Variants in TCEA2 observed in about 807,000 individuals in gnomAD.
TCEA2 encodes transcription elongation factor A2, also known as transcription elongation factor A protein 2.
A neutral mutation model predicts 40.8 loss-of-function variants in TCEA2; 21 were observed. The ratio of observed to expected loss-of-function variants is 0.51; its 90% CI spans 0.36 to 0.74. The LOEUF is 0.74. Ranked by LOEUF, TCEA2 falls within the 30% of genes least tolerant of loss-of-function variation. The probability of loss-of-function intolerance (pLI) is 0.00; values close to 1 mark genes in which losing one functional copy is unlikely to be tolerated. For synonymous variants in TCEA2, 165 were observed against 162.7 expected (o/e 1.01, Z -0.11); for missense variants, 326 against 426.5 (o/e 0.76, Z 2.08).
At chr20:64,058,381 C>T (rs2059502017), upstream of TCEA2, among the ~76,000 whole-genome samples, 1 of 152,290 alleles carries the variant, frequency 6.6e-6, no homozygotes, top group Non-Finnish European at 1.5e-5. The surrounding 1 kb of genome is among the most constrained non-coding windows in gnomAD (Gnocchi z 6.7). Context: ...GCCACAGCAT[C>T]TTGACCTCCC....
At chr20:64,063,005 T>C (rs1219278792), upstream of TCEA2, 5 of 203,378 alleles carry the variant, frequency 2.5e-5, no homozygotes, top group Non-Finnish European at 4.9e-5. Context: ...CGGGGTATTG[T>C]GGGATCACGA....
At chr20:64,063,685 C>T (rs1017798641) in intron 1 of TCEA2, 4 of 456,556 alleles carry the variant, frequency 8.8e-6, no homozygotes, top group South Asian at 5.3e-5. Context: ...AGGCTCCGCA[C>T]CCTTCCCTGT....
intron 1 of TCEA2, 117 bp downstream of exon 1, chr20:64,063,501 C>G (rs1361354496): frequency 1.0e-4 from 124 of 1,188,682 alleles, no homozygotes; most frequent in Non-Finnish European, 1.4e-4. Context: ...GACCCCTCCC[C>G]GGCAGAGACT....
upstream of TCEA2, chr20:64,062,512 A>G (rs2059586031): frequency 6.6e-6 from 1 of 152,236 alleles, no homozygotes; most frequent in African/African-American, 2.4e-5. Context: ...AGGTGGGGAG[A>G]CTGAGACACA....
chr20:64,064,137 C>T (rs1215574249), intron 1 of TCEA2: 1 of 152,294 alleles, frequency 6.6e-6, no homozygotes, highest in Non-Finnish European at 1.5e-5. Flanking sequence ...AGGACTTAGC[C>T]CGCAGCAACT....
At chr20:64,057,697 G>A (rs1266838292) in intron 1 of TCEA2, 3 of 152,244 alleles carry the variant, frequency 2.0e-5, no homozygotes, top group African/African-American at 7.2e-5. Flanking sequence ...AGAATGCTCT[G>A]AGCAAGGTCC....
upstream of TCEA2, among the ~76,000 whole-genome samples, chr20:64,060,956 A>G (rs1037026473): frequency 1.3e-5 from 2 of 150,382 alleles, no homozygotes; most frequent in African/African-American, 4.9e-5. Context: ...TGCCCGGCTA[A>G]TTTTTTTTTG....
At chr20:64,068,755 C>G (rs544317386) in intron 4 of TCEA2, among the ~76,000 whole-genome samples, 1 of 152,388 alleles carries the variant, frequency 6.6e-6, no homozygotes, top group African/African-American at 2.4e-5. Context: ...CCTGCTTCTG[C>G]CAACTTCCAC....
chr20:64,061,571 G>A (rs763921175), upstream of TCEA2, among the ~76,000 whole-genome samples: 3 of 149,914 alleles, frequency 2.0e-5, no homozygotes, highest in Non-Finnish European at 3.0e-5. Context: ...CACCATGCCC[G>A]GTCTAATTTT....
At chr20:64,066,586 C>T (rs1569249247) in intron 2 of TCEA2, 48 bp downstream of exon 2, 4 of 1,595,436 alleles carry the variant, frequency 2.5e-6, no homozygotes, top group Admixed American at 3.4e-5. Flanking sequence ...GGGTGCAGCC[C>T]AGGGGATGGC....
In TCEA2 at chr20:64,072,002, G is replaced by C; in HGVS notation, c.891+61G>C. The stretch of plus-strand genomic sequence containing the variant: ...CATTCTCTGGAGGTGGGGTGTCTCA[G>C]CCTCTGTGGGGTCTGTGGTGTGAAC... On this transcript the variant is annotated intron_variant, in intron 9 of 9. Coordinates refer to ENST00000343484, the MANE Select transcript of TCEA2 (RefSeq NM_003195.6). The C allele has an allele frequency of 1.9e-6, 3 of 1,609,188 alleles. No homozygotes were observed. In the East Asian group the frequency reaches 6.7e-5, roughly 36 times the overall value.
Position 64,070,638 on chromosome 20 carries a change from G to T in TCEA2, c.819+3G>T. The T allele has an allele frequency of 6.4e-7, 1 of 1,563,060 alleles. No homozygotes were observed. The highest frequency in any genetic ancestry group is 1.2e-5 in the South Asian group (1 of 86,350). On this transcript the variant is annotated splice_donor_region_variant and intron_variant, in intron 8 of 9. Transcript: ENST00000343484. ...AAAAGAACTGCACCTACACACAGGT[G>T]AGCGGCCGCTGGGCACCCTCCCCCG...
upstream of TCEA2, chr20:64,062,617 T>G (rs1346080684): frequency 6.6e-6 from 1 of 152,290 alleles, no homozygotes; most frequent in Non-Finnish European, 1.5e-5. Context: ...CCCCCGCACT[T>G]CGCGAACCCC....
intron 8 of TCEA2, among the ~76,000 whole-genome samples, 182 bp from the exon 9 acceptor site, chr20:64,071,688 C>G (rs1033114637): frequency 6.6e-6 from 1 of 152,180 alleles, no homozygotes; most frequent in Admixed American, 6.5e-5. Flanking sequence ...GCCTCTGCCC[C>G]GATAAACTCT....
intron 2 of TCEA2, 31 bp from the exon 3 acceptor site, chr20:64,066,884 C>G: frequency 6.2e-7 from 1 of 1,603,916 alleles, no homozygotes; most frequent in Non-Finnish European, 8.5e-7. Context: ...TGGGCCCCTG[C>G]CTCCCCCAAC....
intron 3 of TCEA2, 150 bp downstream of exon 3, chr20:64,067,170 G>T: frequency 1.3e-6 from 1 of 760,320 alleles, no homozygotes; most frequent in South Asian, 1.6e-5. Flanking sequence ...ACCATGAAGC[G>T]CCCAGCTTGG....
intron 4 of TCEA2, 25 bp downstream of exon 4, chr20:64,068,159 A>T: frequency 6.3e-7 from 1 of 1,576,802 alleles, no homozygotes; most frequent in Non-Finnish European, 8.7e-7. Context: ...AGGCAGGTGC[A>T]CACACTTCTG....
chr20:64,069,676 C>A, intron 5 of TCEA2, 89 bp from the exon 6 acceptor site: 1 of 1,549,114 alleles, frequency 6.5e-7, no homozygotes, highest in Non-Finnish European at 8.8e-7. Context: ...CCCGGATGTG[C>A]CCTCTAAGCT....
chr20:64,071,385 C>T (rs1330642740), intron 8 of TCEA2, among the ~76,000 whole-genome samples: 4 of 152,072 alleles, frequency 2.6e-5, no homozygotes, highest in Non-Finnish European at 2.9e-5. Flanking sequence ...TCGAGGCGGC[C>T]GCTGCACCTG....
Sources: allele counts gnomAD v4.1 joint callset (sites outside exome capture counted in the v4.1 genomes callset), GRCh38; gene constraint gnomAD v4.1.1; non-coding constraint Gnocchi (gnomAD v3.1); transcripts MANE v1.5; gene names NCBI Gene and HGNC (gene_info 2026-07-23, HGNC 2026-07-21).